PDE11A: variants seen among roughly 807,000 people sequenced by gnomAD.
PDE11A encodes dual 3',5'-cyclic-AMP and -GMP phosphodiesterase 11A.
A neutral mutation model predicts 100.5 loss-of-function variants in PDE11A; 100 were observed. The ratio of observed to expected loss-of-function variants is 1.00; its 90% confidence interval spans 0.85 to 1.18. The LOEUF (loss-of-function observed/expected upper bound fraction) is 1.18. Among genes scored for constraint, PDE11A ranks in the 50% most tolerant of loss-of-function variants. The pLI is 0.00. For synonymous variants in PDE11A, 381 were observed against 420.8 expected, an observed-to-expected ratio of 0.91 and a Z score of 1.16; for missense variants, 1,141 against 1,152.6, an observed-to-expected ratio of 0.99 and a Z score of 0.15.
intron 1 of PDE11A, among the ~76,000 whole-genome samples, chr2:178,048,574 C>T (rs2086782604): frequency 6.6e-6 from 1 of 152,138 alleles, no homozygotes; most frequent in South Asian, 2.1e-4. Flanking sequence ...CACAACCTAG[C>T]TCCTTCCTCC....
intron 14 of PDE11A, among the ~76,000 whole-genome samples, chr2:177,699,774 G>T (rs144063197): frequency 2.2e-4 from 34 of 152,324 alleles, no homozygotes; most frequent in African/African-American, 7.0e-4. Context: ...ACAGGGGACT[G>T]GAGGCAGTGC....
chr2:177,695,957 C>A (rs1050586610), intron 15 of PDE11A, among the ~76,000 whole-genome samples: 3 of 151,996 alleles, frequency 2.0e-5, no homozygotes. Flanking sequence ...AGGAAGATGG[C>A]GAGTGGAGGA....
chr2:177,901,166 C>A (rs2084689769), intron 3 of PDE11A, among the ~76,000 whole-genome samples: 1 of 152,108 alleles, frequency 6.6e-6, no homozygotes, highest in South Asian at 2.1e-4. Context: ...CAGATCAGTG[C>A]TTGAGATATT....
At position 177,997,732 on chromosome 2, in the gene PDE11A, A is replaced by G. The variant is rs149488219; in HGVS notation, c.1071+16570T>C. 1.3e-4 allele frequency: 196 copies of G among 1,502,690 alleles called. 1 individual carries two copies. The African/African-American group carries it at 2.5e-3, about 20-fold the overall frequency. 93.1% of individuals were successfully genotyped at this position (1,502,690 alleles called of 1,614,324 possible). A position where few individuals can be genotyped will look rare whatever the true frequency, so the allele number is the denominator to read the frequency against. On this transcript the variant is annotated intron_variant, in intron 2 of 19. Transcript: ENST00000286063. The stretch of plus-strand genomic sequence containing the variant: ...TTGGCCCAACTGGTGAAAACTGTAC[A>G]ACAAACATTCCACATAACTGAACTG...
At chr2:177,636,089 G>C (rs2080034258) in intron 19 of PDE11A, among the ~76,000 whole-genome samples, 1 of 151,964 alleles carries the variant, frequency 6.6e-6, no homozygotes, top group African/African-American at 2.4e-5. Context: ...AGATATTACT[G>C]AATCAACAAA....
intron 1 of PDE11A, among the ~76,000 whole-genome samples, chr2:178,026,623 T>C (rs896553802): frequency 8.7e-5 from 13 of 150,160 alleles, no homozygotes; most frequent in African/African-American, 3.0e-4. Flanking sequence ...ATTGCGCCAC[T>C]GCACTCCAGC....
chr2:178,033,623 G>A (rs970891145), intron 1 of PDE11A, among the ~76,000 whole-genome samples: 4 of 151,986 alleles, frequency 2.6e-5, no homozygotes, highest in African/African-American at 9.7e-5. Context: ...TTGAAACAAA[G>A]GAAAAAATGT....
chr2:177,642,748 A>G (rs550511169), intron 19 of PDE11A, among the ~76,000 whole-genome samples: 13 of 152,250 alleles, frequency 8.5e-5, no homozygotes, highest in South Asian at 2.1e-4. Flanking sequence ...TGTCTCCCCA[A>G]CCAAATCACA....
At chr2:177,642,900 G>A (rs1001392926) in intron 19 of PDE11A, among the ~76,000 whole-genome samples, 3 of 152,124 alleles carry the variant, frequency 2.0e-5, no homozygotes, top group Non-Finnish European at 4.4e-5. Flanking sequence ...TAAGTCTCAC[G>A]AGATCTGATA....
At chr2:177,674,706 G>A (rs2080741053) in intron 17 of PDE11A, among the ~76,000 whole-genome samples, 1 of 152,086 alleles carries the variant, frequency 6.6e-6, no homozygotes, top group South Asian at 2.1e-4. Flanking sequence ...CAATTTTAAG[G>A]ATTAAATGAG....
At chr2:177,796,070 T>C (rs2082704907) in intron 9 of PDE11A, among the ~76,000 whole-genome samples, 1 of 150,576 alleles carries the variant, frequency 6.6e-6, no homozygotes, top group South Asian at 2.1e-4. Context: ...ATCTTTGCTG[T>C]AAGATTTTAG....
chr2:177,704,813 A>C (rs2081255146), intron 13 of PDE11A, among the ~76,000 whole-genome samples: 1 of 152,154 alleles, frequency 6.6e-6, no homozygotes, highest in South Asian at 2.1e-4. Flanking sequence ...GGAACATAAC[A>C]AGCAGCATTA....
chr2:177,932,051 T>C (rs2085214941), intron 2 of PDE11A, among the ~76,000 whole-genome samples: 1 of 151,794 alleles, frequency 6.6e-6, no homozygotes, highest in African/African-American at 2.4e-5. Context: ...GCACACAAAC[T>C]AGAAAATCTA....
chr2:177,685,932 T>A (rs529505212), intron 15 of PDE11A, among the ~76,000 whole-genome samples: 23 of 152,228 alleles, frequency 1.5e-4, no homozygotes, highest in Admixed American at 7.2e-4. Flanking sequence ...AAGAATAAAT[T>A]CCCCAATGAT....
At chr2:177,924,454 T>A (rs1204484688) in intron 2 of PDE11A, among the ~76,000 whole-genome samples, 2 of 152,200 alleles carry the variant, frequency 1.3e-5, no homozygotes, top group Non-Finnish European at 1.5e-5. Flanking sequence ...TTTGATTCCA[T>A]GACTTCTCTA....
At chr2:177,705,863 T>C (rs2081270448) in intron 13 of PDE11A, among the ~76,000 whole-genome samples, 1 of 152,172 alleles carries the variant, frequency 6.6e-6, no homozygotes, top group Non-Finnish European at 1.5e-5. Flanking sequence ...GAAATGAGTA[T>C]AAGAGATTAT....
chr2:178,011,490 T>C (rs1320287866), intron 2 of PDE11A, among the ~76,000 whole-genome samples: 1 of 152,154 alleles, frequency 6.6e-6, no homozygotes, highest in Non-Finnish European at 1.5e-5. Context: ...AAGAGATACA[T>C]AGGGCGAGGT....
intron 5 of PDE11A, among the ~76,000 whole-genome samples, chr2:177,863,183 CA>C (rs1422136517): frequency 6.6e-5 from 10 of 151,794 alleles, no homozygotes; most frequent in Non-Finnish European, 1.5e-4. Context: ...AAAATCAACT[CA>C]AAATGAAAAA....
intron 19 of PDE11A, among the ~76,000 whole-genome samples, chr2:177,658,084 G>A (rs1195969826): frequency 6.6e-6 from 1 of 152,124 alleles, no homozygotes; most frequent in East Asian, 1.9e-4. Context: ...ATAGTCACAC[G>A]GGGCTGGCAC....
Sources: gnomAD v4.1 joint callset for allele counts (sites outside exome capture counted in the v4.1 genomes callset) on GRCh38, gnomAD v4.1.1 for gene constraint, MANE v1.5 for transcripts, NCBI Gene and HGNC (gene_info 2026-07-23, HGNC 2026-07-21) for gene names.